Variants in PXK observed in about 807,000 individuals in gnomAD.
PXK encodes PX domain-containing protein kinase-like protein.
PXK carries 35 observed loss-of-function variants against 84.7 expected under a neutral mutation model. The ratio of observed to expected loss-of-function variants is 0.41; its 90% confidence interval spans 0.32 to 0.55. The LOEUF is 0.55. Among genes scored for constraint, PXK ranks in the 20% least tolerant of loss-of-function variants. The pLI is 0.21. For missense variants in PXK, 634 were observed against 699.7 expected (o/e 0.91, Z 1.06); for synonymous variants, 253 against 260.8 (o/e 0.97, Z 0.29).
In PXK at chr3:58,370,509, A is replaced by G. The variant is rs1469391025; in HGVS notation, c.201+1031A>G. Among the ~76,000 whole-genome samples the G allele has an allele frequency of 6.6e-6, 1 of 152,182 alleles. No individual in the cohort carries two copies. Among genetic ancestry groups the G allele is most frequent in the Admixed American group, 6.6e-5 (1 of 15,262 alleles). Reference sequence around the variant, plus strand: ...ACATAAAACCCTTTAAACCTGAGGAAGAGTGCACGGCTTATGAGGTAAAGG... The same window carrying G: ...ACATAAAACCCTTTAAACCTGAGGAGGAGTGCACGGCTTATGAGGTAAAGG... On this transcript the variant is annotated intron_variant, in intron 3 of 17. Transcript: ENST00000356151. The surrounding 1 kb of genome is among the most constrained non-coding windows in gnomAD (Gnocchi z 4.2).
At position 58,424,800 on chromosome 3, in the gene PXK, C is replaced by T. The variant is rs781570588; in HGVS notation, c.1577C>T (p.Ala526Val). 2 of 1,614,154 alleles carry T rather than the reference C, an allele frequency of 1.2e-6. No individual in the cohort carries two copies. Among genetic ancestry groups the T allele is most frequent in the Non-Finnish European group, 1.7e-6 (2 of 1,180,028 alleles). Residue 526 changes from alanine to valine, a missense_variant, in exon 18 of 18, where the codon GCT becomes GTT. Ala to Val is a moderately conservative substitution (Grantham distance 64). This residue lies in a region of PXK where 273 missense variants were observed against 283.6 expected (regional missense o/e 0.96). Coordinates refer to ENST00000356151, the MANE Select transcript of PXK (RefSeq NM_017771.5). ...PPPPPPPPPAAPLPPASTEAP... is the reference protein window; with the variant it reads ...PPPPPPPPPAVPLPPASTEAP... ...CCTCCACCTCCACCACCACCAGCAG[C>T]TCCCTTGCCTCCTGCGAGCACCGAG...
At chr3:58,380,309 T>C (rs893665179) in intron 3 of PXK, among the ~76,000 whole-genome samples, 1 of 151,996 alleles carries the variant, frequency 6.6e-6, no homozygotes, top group African/African-American at 2.4e-5. Context: ...GGCGTGCACC[T>C]GTAGTCCCAG....
chr3:58,343,516 A>T (rs1214365414), intron 1 of PXK, among the ~76,000 whole-genome samples: 1 of 152,156 alleles, frequency 6.6e-6, no homozygotes, highest in East Asian at 1.9e-4. Flanking sequence ...GGTCTCCAGG[A>T]ATGCAGTGGT....
At chr3:58,420,615 T>C in intron 17 of PXK, 1 of 1,535,982 alleles carries the variant, frequency 6.5e-7, no homozygotes, top group Non-Finnish European at 8.7e-7. Context: ...ATGCTCTGTT[T>C]CTGTGTGTGA....
At chr3:58,405,937 G>A (rs547458967) in intron 13 of PXK, among the ~76,000 whole-genome samples, 56 of 152,166 alleles carry the variant, frequency 3.7e-4, no homozygotes, top group African/African-American at 1.3e-3. Flanking sequence ...TTGAATTTAT[G>A]TATGTTCCAA....
chr3:58,413,004 C>T, intron 17 of PXK, 41 bp downstream of exon 17: 1 of 1,600,982 alleles, frequency 6.2e-7, no homozygotes, highest in Non-Finnish European at 8.6e-7. Context: ...TTCCTGTCCG[C>T]CAACAGGAGG....
chr3:58,368,569 G>A (rs189859802), intron 2 of PXK, among the ~76,000 whole-genome samples: 3 of 152,056 alleles, frequency 2.0e-5, no homozygotes, highest in Non-Finnish European at 2.9e-5. Flanking sequence ...TGATCCACCC[G>A]CCTTAGCCTC....
At position 58,332,927 on chromosome 3, in the gene PXK, G is replaced by T. The variant is rs2097520022; in HGVS notation, c.-62G>T. On this transcript the variant is annotated 5_prime_UTR_variant, in exon 1 of 18. Transcript: ENST00000356151. The surrounding 1 kb of genome is among the most constrained non-coding windows in gnomAD (Gnocchi z 5.6). The stretch of plus-strand genomic sequence containing the variant: ...GCGGCGGTGGAACCGGGCGGGCGGC[G>T]GGAGTCGGCGCCTCGGGTTCCTACC... 1 of 1,087,348 alleles carries T rather than the reference G, an allele frequency of 9.2e-7. No individual in the cohort carries two copies. Among genetic ancestry groups the T allele is most frequent in the Non-Finnish European group, 1.2e-6 (1 of 844,566 alleles). 67.4% of individuals were successfully genotyped at this position (1,087,348 alleles called of 1,614,324 possible). A position where few individuals can be genotyped will look rare whatever the true frequency, so the allele number is the denominator to read the frequency against.
In PXK at chr3:58,421,962, C is replaced by T; in HGVS notation, c.1529-2790C>T. 5.1e-6 allele frequency: 5 copies of T among 985,344 alleles called. No homozygotes were observed. Among genetic ancestry groups the T allele is most frequent in the Non-Finnish European group, 6.0e-6 (5 of 829,918 alleles). The allele number at this position is 985,344 out of a possible 1,614,324, so 61.0% of individuals were successfully genotyped here. ...GCCTGGAGATAAGGGTATTGGAGGTCTCTTGGCAGGAAGGCCTCATTCACA... is the reference window on the plus strand; with the variant it reads ...GCCTGGAGATAAGGGTATTGGAGGTTTCTTGGCAGGAAGGCCTCATTCACA... On this transcript the variant is annotated intron_variant, in intron 17 of 17. Coordinates refer to ENST00000356151, the MANE Select transcript of PXK (RefSeq NM_017771.5). The surrounding 1 kb of genome is among the most constrained non-coding windows in gnomAD (Gnocchi z 5.5).
intron 3 of PXK, 93 bp from the exon 4 acceptor site, chr3:58,382,421 C>G (rs1286198311): frequency 2.7e-6 from 3 of 1,131,946 alleles, no homozygotes; most frequent in Non-Finnish European, 2.4e-6. Flanking sequence ...TCTGCATTGT[C>G]TTAGGTTTAA....
chr3:58,374,575 A>C (rs1029780988), intron 3 of PXK, among the ~76,000 whole-genome samples: 3 of 152,170 alleles, frequency 2.0e-5, no homozygotes, highest in Non-Finnish European at 1.5e-5. Flanking sequence ...CAAGAAGGGA[A>C]TCCATAGGGC....
chr3:58,375,932 CA>C (rs1265331017), intron 3 of PXK, among the ~76,000 whole-genome samples: 1 of 148,280 alleles, frequency 6.7e-6, no homozygotes, highest in Non-Finnish European at 1.5e-5. Flanking sequence ...ATGTTAAGTG[CA>C]AAAATACACC....
chr3:58,336,496 G>A (rs2097614362), intron 1 of PXK, among the ~76,000 whole-genome samples: 1 of 152,162 alleles, frequency 6.6e-6, no homozygotes, highest in Non-Finnish European at 1.5e-5. Context: ...AGAAAGGCTA[G>A]TATTTAGGGG....
chr3:58,410,079 T>C lies in PXK; in HGVS notation c.1396-11T>C, dbSNP rs2059975352. Reference sequence around the variant, plus strand: ...CTCTCCCTCCCTCCCCCTTTTCTTTTATTCTTAAAGAAGTCAAAACGATCT... The same window carrying C: ...CTCTCCCTCCCTCCCCCTTTTCTTTCATTCTTAAAGAAGTCAAAACGATCT... On this transcript the variant is annotated splice_polypyrimidine_tract_variant and intron_variant, in intron 15 of 17. Coordinates refer to ENST00000356151, the MANE Select transcript of PXK (RefSeq NM_017771.5). The C allele has an allele frequency of 6.4e-7, 1 of 1,557,794 alleles. No individual in the cohort carries two copies. Among genetic ancestry groups the C allele is most frequent in the African/African-American group, 1.4e-5 (1 of 73,800 alleles).
intron 1 of PXK, among the ~76,000 whole-genome samples, chr3:58,336,621 A>G (rs73835175): frequency 0.046 from 6,988 of 152,264 alleles, 561 homozygotes; most frequent in African/African-American, 0.16. Context: ...CCAAGAGAGG[A>G]CAAGGGAAAG....
At chr3:58,369,517 T>C (rs778236218) in intron 3 of PXK, 39 bp downstream of exon 3, 34 of 1,551,830 alleles carry the variant, frequency 2.2e-5, no homozygotes, top group East Asian at 4.5e-5. Flanking sequence ...CATTGATTAC[T>C]TGGGGTGTCT....
chr3:58,371,155 A>T (rs1411297517), intron 3 of PXK, among the ~76,000 whole-genome samples: 2 of 152,218 alleles, frequency 1.3e-5, no homozygotes, highest in African/African-American at 4.8e-5. Context: ...CTTGTCATGC[A>T]TTTGACACAT....
chr3:58,418,330 G>C (rs1178775864), intron 17 of PXK, among the ~76,000 whole-genome samples: 1 of 152,174 alleles, frequency 6.6e-6, no homozygotes, highest in Admixed American at 6.5e-5. Context: ...CCATTTTACA[G>C]TTGAAACTGA....
chr3:58,340,093 C>A (rs1403640482), intron 1 of PXK, among the ~76,000 whole-genome samples: 1 of 150,764 alleles, frequency 6.6e-6, no homozygotes, highest in East Asian at 2.0e-4. Context: ...ACTGGGATTA[C>A]AGGCCCCAGC....
Sources: gnomAD v4.1 joint callset for allele counts (sites outside exome capture counted in the v4.1 genomes callset) on GRCh38, gnomAD v4.1.1 for gene constraint, gnomAD v4.1.1 regional missense constraint, Gnocchi (gnomAD v3.1) non-coding constraint, MANE v1.5 for transcripts, NCBI Gene and HGNC (gene_info 2026-07-23, HGNC 2026-07-21) for gene names.